Variants in ERG observed in about 807,000 individuals in gnomAD.
The protein encoded by ERG is ETS transcription factor ERG, also known as transcriptional regulator ERG.
Under a neutral mutation model 55.3 loss-of-function variants are expected in ERG, and 9 were observed. That is an observed-to-expected ratio of 0.16 (90% CI 0.10 to 0.28). ERG has a LOEUF of 0.28. ERG is among the 10% of genes least tolerant of loss of function. ERG has a pLI of 1.00. For synonymous variants in ERG, 223 were observed against 237.3 expected (o/e 0.94, Z 0.55); for missense variants, 434 against 631.6 (o/e 0.69, Z 3.35).
intron 3 of ERG, among the ~76,000 whole-genome samples, chr21:38,418,270 A>AGTGGGTGT (rs369365038): frequency 1.3e-4 from 17 of 130,336 alleles, no homozygotes; most frequent in African/African-American, 4.3e-4. Context: ...AACATTTGGA[A>AGTGGGTGT]GTGTGTGTGT....
chr21:38,640,926 C>T (rs2060420805), intron 1 of ERG, among the ~76,000 whole-genome samples: 1 of 152,278 alleles, frequency 6.6e-6, no homozygotes, highest in South Asian at 2.1e-4. Context: ...CGCAGAAATA[C>T]TATTTGACTT....
At position 38,386,001 on chromosome 21, in the gene ERG, G is replaced by A. The variant is rs144081725; in HGVS notation, c.920-2078C>T. 3.4e-3 allele frequency among the ~76,000 whole-genome samples: 518 copies of A among 152,270 alleles called. 5 individuals are homozygous for A. The highest frequency in any genetic ancestry group is 0.012 in the African/African-American group (495 of 41,530). ...CACAGACCTGCCGAAATCACACTTG[G>A]AATCTACTCAAACCTTGGCATTGCC... On this transcript the variant is annotated intron_variant, in intron 9 of 9. Coordinates refer to ENST00000288319, the MANE Select transcript of ERG (RefSeq NM_182918.4).
At chr21:38,552,443 C>T (rs1406411947) in intron 2 of ERG, among the ~76,000 whole-genome samples, 2 of 151,958 alleles carry the variant, frequency 1.3e-5, no homozygotes, top group Non-Finnish European at 2.9e-5. Flanking sequence ...AACAAAATAC[C>T]AGTAAACCAA....
chr21:38,465,707 A>C (rs996208934), intron 1 of ERG, among the ~76,000 whole-genome samples: 1 of 152,184 alleles, frequency 6.6e-6, no homozygotes, highest in Non-Finnish European at 1.5e-5. Context: ...TGCGTACTAA[A>C]ATTGCTCTGA....
At chr21:38,467,795 A>T (rs2059103927) in intron 1 of ERG, among the ~76,000 whole-genome samples, 1 of 152,234 alleles carries the variant, frequency 6.6e-6, no homozygotes, top group Admixed American at 6.5e-5. Context: ...GTGAATACCA[A>T]AAAAGAAAAC....
chr21:38,650,472 C>T (rs1030778328), intron 1 of ERG, among the ~76,000 whole-genome samples: 2 of 152,052 alleles, frequency 1.3e-5, no homozygotes, highest in Non-Finnish European at 2.9e-5. Context: ...CCTGTCTCTA[C>T]TAACAATACA....
chr21:38,412,229 T>A (rs1989091083), intron 3 of ERG, among the ~76,000 whole-genome samples: 3 of 152,202 alleles, frequency 2.0e-5, no homozygotes, highest in African/African-American at 7.2e-5. Context: ...GTGCTTTATG[T>A]TAAACTTTCT....
the ERG span, among the ~76,000 whole-genome samples, chr21:38,373,307 C>A: frequency 6.6e-6 from 1 of 152,188 alleles, no homozygotes; most frequent in Non-Finnish European, 1.5e-5. Flanking sequence ...CTTATTGTTT[C>A]CTTTTACATT....
intron 1 of ERG, among the ~76,000 whole-genome samples, chr21:38,594,200 T>A (rs1206072503): frequency 1.3e-5 from 2 of 152,198 alleles, no homozygotes; most frequent in Non-Finnish European, 2.9e-5. Context: ...CCATTTCCAC[T>A]GAGTTTTGAC....
intron 1 of ERG, among the ~76,000 whole-genome samples, chr21:38,576,195 T>C (rs1325760722): frequency 6.6e-6 from 1 of 152,254 alleles, no homozygotes; most frequent in Non-Finnish European, 1.5e-5. Context: ...AAGTTCTTAG[T>C]AAACAGCACA....
chr21:38,533,241 T>C (rs1053023440), intron 2 of ERG, among the ~76,000 whole-genome samples: 1 of 152,214 alleles, frequency 6.6e-6, no homozygotes, highest in Non-Finnish European at 1.5e-5. Flanking sequence ...CACAACCCAG[T>C]GTTCTTACCA....
At chr21:38,429,323 CAT>C (rs1351222358) in intron 2 of ERG, among the ~76,000 whole-genome samples, 4 of 151,540 alleles carry the variant, frequency 2.6e-5, no homozygotes, top group Non-Finnish European at 5.9e-5. Flanking sequence ...TACATATACA[CAT>C]ATATGTATAT....
At chr21:38,642,333 T>C (rs1212533493) in intron 1 of ERG, among the ~76,000 whole-genome samples, 1 of 152,252 alleles carries the variant, frequency 6.6e-6, no homozygotes, top group Non-Finnish European at 1.5e-5. Context: ...TTAAATACTT[T>C]TGTTCATCTG....
intron 1 of ERG, among the ~76,000 whole-genome samples, chr21:38,463,448 C>A (rs2059061347): frequency 1.3e-5 from 2 of 152,150 alleles, no homozygotes; most frequent in African/African-American, 4.8e-5. Context: ...AGGGCAGAGA[C>A]TTTTTTCTAT....
chr21:38,648,556 G>A (rs1172060024), intron 1 of ERG, among the ~76,000 whole-genome samples: 1 of 152,212 alleles, frequency 6.6e-6, no homozygotes, highest in Non-Finnish European at 1.5e-5. Context: ...CAGGAAGTCT[G>A]TGGAAATCCC....
chr21:38,651,617 C>G (rs1162253068), intron 1 of ERG, among the ~76,000 whole-genome samples: 1 of 152,184 alleles, frequency 6.6e-6, no homozygotes, highest in East Asian at 1.9e-4. Flanking sequence ...TTCCACCTGT[C>G]CCTGTCTTTT....
intron 1 of ERG, among the ~76,000 whole-genome samples, chr21:38,484,736 C>T (rs1414810891): frequency 2.6e-5 from 4 of 152,114 alleles, no homozygotes; most frequent in South Asian, 2.1e-4. Flanking sequence ...GCAGATAGGA[C>T]GAGGGTACCA....
intron 1 of ERG, among the ~76,000 whole-genome samples, chr21:38,638,360 C>T (rs1186678618): frequency 2.6e-5 from 4 of 152,212 alleles, no homozygotes; most frequent in Non-Finnish European, 5.9e-5. Context: ...ACTTTGCGTG[C>T]ATCTGGCCCT....
intron 3 of ERG, among the ~76,000 whole-genome samples, chr21:38,405,633 C>A (rs190801137): frequency 6.6e-6 from 1 of 152,290 alleles, no homozygotes; most frequent in Admixed American, 6.5e-5. Context: ...CCTCCAACCG[C>A]GGAAGCATCA....
Sources: allele counts gnomAD v4.1 joint callset (sites outside exome capture counted in the v4.1 genomes callset), GRCh38; gene constraint gnomAD v4.1.1; transcripts MANE v1.5; gene names NCBI Gene and HGNC (gene_info 2026-07-23, HGNC 2026-07-21).